KIF24: variants seen among roughly 807,000 people sequenced by gnomAD.
KIF24 encodes kinesin-like protein KIF24.
In KIF24, 81 loss-of-function variants were observed where a neutral mutation model predicts 118.9. The ratio of observed to expected loss-of-function variants is 0.68; its 90% CI spans 0.57 to 0.82. The LOEUF is 0.82. KIF24 is among the 40% of genes least tolerant of loss of function. The probability of loss-of-function intolerance (pLI) is 0.00; values close to 1 mark genes in which losing one functional copy is unlikely to be tolerated. For missense variants in KIF24, 1,560 were observed against 1,661.6 expected (o/e 0.94, Z 1.06); for synonymous variants, 599 against 610.0 (o/e 0.98, Z 0.27).
At chr9:34,303,006 C>CT (rs1472414309) in intron 3 of KIF24, among the ~76,000 whole-genome samples, 1 of 150,056 alleles carries the variant, frequency 6.7e-6, no homozygotes, top group Admixed American at 6.7e-5. Flanking sequence ...GATCTCCTGA[C>CT]TTTGTGACCC....
chr9:34,254,814 C>G (rs1834757400), intron 12 of KIF24, among the ~76,000 whole-genome samples: 1 of 152,150 alleles, frequency 6.6e-6, no homozygotes, highest in South Asian at 2.1e-4. Flanking sequence ...CGACAAACCG[C>G]TAGGAAGGCA....
At chr9:34,313,445 AAAT>A (rs969703626) in intron 1 of KIF24, among the ~76,000 whole-genome samples, 1 of 151,234 alleles carries the variant, frequency 6.6e-6, no homozygotes, top group African/African-American at 2.4e-5. Context: ...ATCTCTCTTT[AAAT>A]AATAATAATT....
chr9:34,325,557 T>C (rs1329391262), intron 1 of KIF24, among the ~76,000 whole-genome samples: 2 of 151,828 alleles, frequency 1.3e-5, no homozygotes, highest in Middle Eastern at 3.4e-3. Context: ...GCTGGGAATG[T>C]TGGCACACAC....
At chr9:34,311,403 AAT>A in intron 1 of KIF24, 32 bp from the exon 2 acceptor site, 1 of 1,161,530 alleles carries the variant, frequency 8.6e-7, no homozygotes, top group South Asian at 1.8e-5. Context: ...ATTCGCTTGA[AAT>A]AGAGTACATG....
At chr9:34,258,610 CTG>C (rs1286131127) in intron 10 of KIF24, among the ~76,000 whole-genome samples, 1 of 152,238 alleles carries the variant, frequency 6.6e-6, no homozygotes, top group African/African-American at 2.4e-5. Context: ...CAGAAGTGCA[CTG>C]TGTTTATGCA....
At chr9:34,324,650 C>T (rs937664669) in intron 1 of KIF24, among the ~76,000 whole-genome samples, 8 of 152,072 alleles carry the variant, frequency 5.3e-5, no homozygotes, top group Non-Finnish European at 8.8e-5. Context: ...TTATTAAAAA[C>T]CCTTCAATGG....
chr9:34,262,662 AAAAAAAAAAAAAAATAT>A (rs1835108295), intron 9 of KIF24, among the ~76,000 whole-genome samples: 1 of 50,338 alleles, frequency 2.0e-5, no homozygotes, highest in Non-Finnish European at 3.6e-5. Context: ...AAAAAAAAAA[AAAAAAAAAAAAAAATAT>A]ATATATATAT....
chr9:34,286,439 A>G (rs1836054566), intron 6 of KIF24, among the ~76,000 whole-genome samples, 178 bp downstream of exon 6: 2 of 152,204 alleles, frequency 1.3e-5, no homozygotes, highest in East Asian at 1.9e-4. Flanking sequence ...GAGAAACCCT[A>G]TAGAGAAACA....
intron 1 of KIF24, among the ~76,000 whole-genome samples, chr9:34,316,867 C>T (rs1401484751): frequency 6.6e-6 from 1 of 151,404 alleles, no homozygotes. Flanking sequence ...GTCAGGAGTT[C>T]GAGACCAGCC....
In KIF24 at chr9:34,255,775, T is replaced by C; in HGVS notation, c.3832A>G (p.Thr1278Ala). ...GTGGGCTGACGGAGTGTCCCTGCAG[T>C]CTTGGGAGAGCAGCTGGGAACCAAG... ...SPLVPSCSPK[T>A]AGTLRQPTLE... is the part of the protein sequence containing the mutation. The change falls in exon 11 of 13, where the codon ACT becomes GCT. Residue 1278 changes from threonine (T) to alanine (A), a missense_variant. By Grantham distance (58) the Thr-to-Ala change is moderately conservative. Coordinates refer to ENST00000402558, the MANE Select transcript of KIF24 (RefSeq NM_194313.4). 1 of 1,613,692 alleles carries C rather than the reference T, an allele frequency of 6.2e-7. No homozygotes were observed. Among genetic ancestry groups the C allele is most frequent in the Non-Finnish European group, 8.5e-7 (1 of 1,179,750 alleles).
Position 34,290,219 on chromosome 9 carries a change from T to C in KIF24, c.1082A>G (p.Glu361Gly), listed in dbSNP as rs186793827. The C allele has an allele frequency of 5.3e-5, 85 of 1,613,886 alleles. No individual in the cohort carries two copies. The East Asian group carries it at 1.4e-3, about 26-fold the overall frequency. ...GTCATAAAGCTGTCCACAGTAAATT[T>C]CATAGAAGCTGATCCACACAAAGAG... ...KHLFVWISFYEIYCGQLYDLL... is the reference protein window; with the variant it reads ...KHLFVWISFYGIYCGQLYDLL... The change falls in exon 5 of 13, where the codon GAA becomes GGA. Residue 361 changes from glutamate (E) to glycine (G), a missense_variant. Glu to Gly is a moderately conservative substitution (Grantham distance 98). Around this residue, in one of 3 missense-constraint regions of KIF24, gnomAD observed 964 missense variants for 988.0 expected, o/e 0.98. Coordinates refer to ENST00000402558, the MANE Select transcript of KIF24 (RefSeq NM_194313.4).
Position 34,257,963 on chromosome 9 carries a change from T to C in KIF24, c.1644A>G (p.Lys548=), listed in dbSNP as rs1834923373. Residue 548 remains lysine, a synonymous_variant, in exon 11 of 13, where the codon AAA becomes AAG. Transcript: ENST00000402558. ...TAACTGAAGTGCAACACTTAATGCCTTTCTTTAGTTCTTTGACCCTGTAAA... is the reference window on the plus strand; with the variant it reads ...TAACTGAAGTGCAACACTTAATGCCCTTCTTTAGTTCTTTGACCCTGTAAA... ...RYADRVKELK[K]GIKCCTSVTS... 1 of 1,606,192 alleles carries C rather than the reference T, an allele frequency of 6.2e-7. No homozygotes were observed.
intron 1 of KIF24, chr9:34,319,449 G>C: frequency 8.3e-7 from 1 of 1,203,208 alleles, no homozygotes; most frequent in Non-Finnish European, 1.2e-6. Flanking sequence ...CCTGACCAGC[G>C]TGTTCCACGC....
At chr9:34,255,612 A>G in intron 11 of KIF24, 123 bp downstream of exon 11, 1 of 831,396 alleles carries the variant, frequency 1.2e-6, no homozygotes, top group Non-Finnish European at 1.9e-6. Context: ...GGTTGGAGCT[A>G]GAAGCAGACT....
At chr9:34,301,957 TCA>T (rs1347550905) in intron 3 of KIF24, among the ~76,000 whole-genome samples, 1 of 151,978 alleles carries the variant, frequency 6.6e-6, no homozygotes, top group African/African-American at 2.4e-5. Context: ...ATTTCAGATT[TCA>T]GTGTCATCTT....
At chr9:34,259,472 G>A in intron 10 of KIF24, 124 bp downstream of exon 10, 2 of 711,142 alleles carry the variant, frequency 2.8e-6, no homozygotes, top group East Asian at 5.2e-5. Flanking sequence ...ATGTGTGTGT[G>A]AGTGGGAGAG....
At chr9:34,280,270 C>T (rs1835802252) in intron 6 of KIF24, among the ~76,000 whole-genome samples, 1 of 105,042 alleles carries the variant, frequency 9.5e-6, no homozygotes, top group South Asian at 3.6e-4. Flanking sequence ...GGCGACAGGG[C>T]GAGACTCCGT....
intron 6 of KIF24, among the ~76,000 whole-genome samples, chr9:34,280,045 G>A (rs1424966356): frequency 6.6e-6 from 1 of 151,992 alleles, no homozygotes; most frequent in African/African-American, 2.4e-5. Flanking sequence ...AGCACTTTGG[G>A]AGGCCGAGGC....
chr9:34,270,561 G>T (rs1322443168), intron 7 of KIF24, among the ~76,000 whole-genome samples: 1 of 149,068 alleles, frequency 6.7e-6, no homozygotes, highest in Non-Finnish European at 1.5e-5. Flanking sequence ...AAAATTAGCT[G>T]GTAGGCTGAG....
Sources: allele counts gnomAD v4.1 joint callset (sites outside exome capture counted in the v4.1 genomes callset), GRCh38; gene constraint gnomAD v4.1.1; regional missense constraint gnomAD v4.1.1; transcripts MANE v1.5; gene names NCBI Gene and HGNC (gene_info 2026-07-23, HGNC 2026-07-21).